Variants in MAPKAP1 observed in about 807,000 individuals in gnomAD.
MAPKAP1 encodes the protein MAPK associated protein 1.
Under a neutral mutation model 65.7 loss-of-function variants are expected in MAPKAP1, and 20 were observed. That is an observed-to-expected ratio of 0.30 (90% confidence interval 0.21 to 0.44). MAPKAP1 has a LOEUF of 0.44. Among genes scored for constraint, MAPKAP1 ranks in the 20% least tolerant of loss-of-function variants. MAPKAP1 has a pLI of 1.00. For synonymous variants in MAPKAP1, 222 were observed against 244.3 expected, an observed-to-expected ratio of 0.91 and a Z score of 0.85; for missense variants, 423 against 648.0, an observed-to-expected ratio of 0.65 and a Z score of 3.77.
chr9:125,519,893 A>G (rs1242115822), intron 7 of MAPKAP1, among the ~76,000 whole-genome samples: 1 of 152,006 alleles, frequency 6.6e-6, no homozygotes, highest in Non-Finnish European at 1.5e-5. Context: ...CTTTGAGATA[A>G]GTGGTGGTCA....
intron 7 of MAPKAP1, among the ~76,000 whole-genome samples, chr9:125,528,700 AGCTGGGCGT>A (rs1449784803): frequency 1.3e-5 from 2 of 151,444 alleles, no homozygotes; most frequent in Non-Finnish European, 2.9e-5. Context: ...TACAAAAATT[AGCTGGGCGT>A]GGTGGCACAT....
In MAPKAP1 at chr9:125,560,563, AAC is replaced by A. The variant is rs533589952; in HGVS notation, c.672-756_672-755del. Reference sequence around the variant, plus strand: ...GGTGTTACTTCACTCCAGCCTGGGCAACAGAGTTAAGACCCTGTCTCAAAAAA... The same window carrying A: ...GGTGTTACTTCACTCCAGCCTGGGCAAGAGTTAAGACCCTGTCTCAAAAAA... On this transcript the variant is annotated intron_variant, in intron 5 of 11. Transcript: ENST00000265960. 6.3e-4 allele frequency among the ~76,000 whole-genome samples: 96 copies of A among 152,312 alleles called. 1 individual carries two copies. The highest frequency in any genetic ancestry group is 2.2e-3 in the African/African-American group (91 of 41,576).
At chr9:125,544,688 A>G (rs1473735592) in intron 6 of MAPKAP1, among the ~76,000 whole-genome samples, 1 of 152,244 alleles carries the variant, frequency 6.6e-6, no homozygotes, top group African/African-American at 2.4e-5. Flanking sequence ...AATTGCCACA[A>G]GGAGTTTGGT....
intron 4 of MAPKAP1, among the ~76,000 whole-genome samples, chr9:125,624,985 T>G (rs1233227547): frequency 1.3e-5 from 1 of 76,792 alleles, no homozygotes. Flanking sequence ...CCACTCAGAG[T>G]TAAATGGATT....
chr9:125,588,737 T>G (rs1443229738), intron 4 of MAPKAP1, among the ~76,000 whole-genome samples: 1 of 152,216 alleles, frequency 6.6e-6, no homozygotes, highest in African/African-American at 2.4e-5. Flanking sequence ...AACTCACATT[T>G]GATCATACCA....
At chr9:125,657,577 CTAA>C (rs904234128) in intron 4 of MAPKAP1, 71 bp downstream of exon 4, 6 of 1,333,650 alleles carry the variant, frequency 4.5e-6, no homozygotes, top group Non-Finnish European at 5.2e-6. Flanking sequence ...AACCCTAAAT[CTAA>C]TAATAATACC....
rs570682130 is a variant in MAPKAP1 at position 125,689,233 on chromosome 9, A to C, written c.-69-16590T>G. On this transcript the variant is annotated intron_variant, in intron 1 of 11. Transcript: ENST00000265960. ...TGGGCGGATCACGAAGTCAGGAGATAGAGAACATCCTGGCTAACACGGTGA... is the reference window on the plus strand; with the variant it reads ...TGGGCGGATCACGAAGTCAGGAGATCGAGAACATCCTGGCTAACACGGTGA... 1.9e-4 allele frequency among the ~76,000 whole-genome samples: 29 copies of C among 151,020 alleles called. No homozygotes were observed. In the Middle Eastern group the frequency reaches 0.01, roughly 54 times the overall value.
intron 10 of MAPKAP1, among the ~76,000 whole-genome samples, chr9:125,456,427 T>C (rs1158227643): frequency 6.6e-6 from 1 of 152,254 alleles, no homozygotes; most frequent in African/African-American, 2.4e-5. Flanking sequence ...TGTTCTGTCA[T>C]AGAGTTCACT....
intron 7 of MAPKAP1, among the ~76,000 whole-genome samples, chr9:125,527,798 T>G (rs1239560635): frequency 6.6e-6 from 1 of 152,226 alleles, no homozygotes; most frequent in Non-Finnish European, 1.5e-5. Context: ...TCAGAAGAGA[T>G]CCACATCATT....
chr9:125,632,072 A>C (rs557842873), intron 4 of MAPKAP1, among the ~76,000 whole-genome samples: 1 of 152,144 alleles, frequency 6.6e-6, no homozygotes, highest in East Asian at 1.9e-4. Context: ...ATACAAAAAA[A>C]TTAGCCAGGC....
At chr9:125,546,264 T>TTC (rs1259256930) in intron 6 of MAPKAP1, among the ~76,000 whole-genome samples, 1 of 152,210 alleles carries the variant, frequency 6.6e-6, no homozygotes, top group Non-Finnish European at 1.5e-5. Flanking sequence ...GAGAAAGAGG[T>TTC]TCTGCCCTGA....
chr9:125,490,837 CAT>C (rs1854682441), intron 8 of MAPKAP1, among the ~76,000 whole-genome samples: 1 of 152,092 alleles, frequency 6.6e-6, no homozygotes, highest in Non-Finnish European at 1.5e-5. Context: ...ACACTCTTCT[CAT>C]TAAAAATTTT....
At chr9:125,490,104 T>G (rs1051490223) in intron 8 of MAPKAP1, among the ~76,000 whole-genome samples, 1 of 152,196 alleles carries the variant, frequency 6.6e-6, no homozygotes, top group African/African-American at 2.4e-5. Context: ...GTTCTCAAAG[T>G]GCACACTGGG....
chr9:125,531,904 T>A (rs957840215), intron 7 of MAPKAP1, among the ~76,000 whole-genome samples: 4 of 152,246 alleles, frequency 2.6e-5, no homozygotes, highest in Non-Finnish European at 4.4e-5. Flanking sequence ...ATTTTCTTTT[T>A]ACTTTTAGGT....
At chr9:125,576,780 C>T (rs780366980) in intron 5 of MAPKAP1, among the ~76,000 whole-genome samples, 41 of 152,250 alleles carry the variant, frequency 2.7e-4, no homozygotes, top group African/African-American at 9.6e-4. Context: ...CTCGGCCTCC[C>T]GAGGTGCTGG....
intron 4 of MAPKAP1, among the ~76,000 whole-genome samples, chr9:125,642,111 G>A (rs890365977): frequency 6.6e-6 from 1 of 151,256 alleles, no homozygotes; most frequent in Non-Finnish European, 1.5e-5. Flanking sequence ...AGGCTGAGGT[G>A]AGAGAATCAC....
intron 4 of MAPKAP1, among the ~76,000 whole-genome samples, chr9:125,647,011 T>C (rs1349418981): frequency 6.6e-6 from 1 of 152,218 alleles, no homozygotes; most frequent in South Asian, 2.1e-4. Flanking sequence ...AACACATGCC[T>C]GCGTTCTCCA....
At chr9:125,667,715 C>T (rs1161952799) in intron 3 of MAPKAP1, among the ~76,000 whole-genome samples, 3 of 152,104 alleles carry the variant, frequency 2.0e-5, no homozygotes, top group Non-Finnish European at 4.4e-5. Flanking sequence ...CCTGGCCTCA[C>T]TGTGCGTTTT....
At chr9:125,503,718 T>C (rs2133077369) in intron 8 of MAPKAP1, among the ~76,000 whole-genome samples, 1 of 151,924 alleles carries the variant, frequency 6.6e-6, no homozygotes, top group East Asian at 1.9e-4. Context: ...TCTTTTTTCT[T>C]TCTTTCTTTT....
Sources: gnomAD v4.1 joint callset for allele counts (sites outside exome capture counted in the v4.1 genomes callset) on GRCh38, gnomAD v4.1.1 for gene constraint, MANE v1.5 for transcripts, NCBI Gene and HGNC (gene_info 2026-07-23, HGNC 2026-07-21) for gene names.